PAM: variants seen among roughly 807,000 people sequenced by gnomAD.
The protein encoded by PAM is peptidyl-glycine alpha-amidating monooxygenase.
In PAM, 72 loss-of-function variants were observed where a neutral mutation model predicts 122.1. The ratio of observed to expected loss-of-function variants is 0.59; its 90% CI spans 0.49 to 0.72. The LOEUF is 0.72. Among genes scored for constraint, PAM ranks in the 30% least tolerant of loss-of-function variants. PAM has a pLI of 0.00. For missense variants in PAM, 1,106 were observed against 1,183.7 expected, an observed-to-expected ratio of 0.93 and a Z score of 0.96; for synonymous variants, 389 against 404.4, an observed-to-expected ratio of 0.96 and a Z score of 0.46.
chr5:103,023,900 T>C (rs1183216068), intron 23 of PAM, among the ~76,000 whole-genome samples: 1 of 152,108 alleles, frequency 6.6e-6, no homozygotes, highest in Non-Finnish European at 1.5e-5. Context: ...TACCATCTGT[T>C]TGTATTATAA....
intron 4 of PAM, among the ~76,000 whole-genome samples, chr5:102,904,275 A>G (rs1798878728): frequency 6.6e-6 from 1 of 151,412 alleles, no homozygotes; most frequent in Non-Finnish European, 1.5e-5. Context: ...GTTTTTAATT[A>G]TTTTTATTTC....
intron 1 of PAM, among the ~76,000 whole-genome samples, chr5:102,797,666 G>A (rs944948826): frequency 7.2e-5 from 11 of 152,244 alleles, no homozygotes; most frequent in Middle Eastern, 3.4e-3. Context: ...GGAAAGAGAA[G>A]AGAAAATTGG....
In PAM at chr5:102,974,193, G is replaced by A. The variant is rs1192180786; in HGVS notation, c.1240G>A (p.Glu414Lys). The A allele has an allele frequency of 6.2e-7, 1 of 1,613,820 alleles. No homozygotes were observed. The highest frequency in any genetic ancestry group is 1.1e-5 in the South Asian group (1 of 91,078). ...TCATGTGCACAAATATAATCCTACA[G>A]AAAAGGCAGAATCAGAGTCAGACCT... is the stretch of plus-strand genomic sequence containing the variant. ...VVHVHKYNPT[E>K]KAESESDLVA... Residue 414 changes from glutamate to lysine, a missense_variant, in exon 15 of 26, where the codon GAA becomes AAA. By Grantham distance (56) the Glu-to-Lys change is moderately conservative (BLOSUM62 1). Transcript: ENST00000438793.
chr5:102,784,940 A>G (rs917678882), intron 1 of PAM, among the ~76,000 whole-genome samples: 2 of 152,268 alleles, frequency 1.3e-5, no homozygotes, highest in South Asian at 2.1e-4. Context: ...TCCATACTTT[A>G]GGAAATCAGA....
intron 15 of PAM, among the ~76,000 whole-genome samples, chr5:102,975,433 G>C (rs182121394): frequency 6.6e-6 from 1 of 152,222 alleles, no homozygotes; most frequent in South Asian, 2.1e-4. Context: ...TGGCCTAATG[G>C]TTTCTGTGAG....
intron 1 of PAM, among the ~76,000 whole-genome samples, chr5:102,843,416 G>GA (rs200172986): frequency 4.6e-5 from 7 of 151,996 alleles, no homozygotes; most frequent in Non-Finnish European, 1.0e-4. Context: ...AAACTATAAG[G>GA]AAAAAATAGG....
chr5:102,858,380 G>A lies in PAM; in HGVS notation c.-373-7443G>A, dbSNP rs564197867. ...ACATTTTTGATTGCCATAACTGAGG[G>A]GAATGCTACTGGCATCTAGTGGGTG... On this transcript the variant is annotated intron_variant, in intron 1 of 25. Transcript: ENST00000438793. Among the ~76,000 whole-genome samples the A allele has an allele frequency of 8.0e-4, 122 of 152,212 alleles. 1 individual carries two copies. The highest frequency in any genetic ancestry group is 8.0e-3 in the Admixed American group (122 of 15,280).
At chr5:102,908,539 G>A (rs1800340923) in intron 4 of PAM, among the ~76,000 whole-genome samples, 4 of 149,580 alleles carry the variant, frequency 2.7e-5, no homozygotes, top group Admixed American at 2.0e-4. Context: ...GACACAGGAA[G>A]GGGAACATCA....
chr5:102,782,466 G>T (rs1759240569), intron 1 of PAM, among the ~76,000 whole-genome samples: 1 of 152,174 alleles, frequency 6.6e-6, no homozygotes, highest in African/African-American at 2.4e-5. Context: ...GACAGCTATA[G>T]AGGAGAAGGA....
At chr5:102,920,810 T>C (rs1747187685) in intron 5 of PAM, among the ~76,000 whole-genome samples, 1 of 152,064 alleles carries the variant, frequency 6.6e-6, no homozygotes, top group South Asian at 2.1e-4. Flanking sequence ...TTTTTTTTTT[T>C]TAGCCAAAAG....
chr5:102,876,571 C>T (rs887354497), intron 3 of PAM, among the ~76,000 whole-genome samples: 1 of 152,154 alleles, frequency 6.6e-6, no homozygotes, highest in Non-Finnish European at 1.5e-5. Context: ...CAAAGCTGGA[C>T]ACTCCTAAAG....
intron 1 of PAM, among the ~76,000 whole-genome samples, chr5:102,848,355 C>T (rs1780477425): frequency 6.6e-6 from 1 of 152,148 alleles, no homozygotes; most frequent in South Asian, 2.1e-4. Flanking sequence ...ACGGCAAAGG[C>T]AACAAAGATG....
intron 1 of PAM, among the ~76,000 whole-genome samples, chr5:102,785,861 CTT>C (rs1561443184): frequency 7.3e-6 from 1 of 136,276 alleles, no homozygotes; most frequent in Non-Finnish European, 1.7e-5. Flanking sequence ...TTGTATTTAA[CTT>C]TTTAAAAATC....
chr5:103,019,307 C>A (rs1039325745), intron 22 of PAM, among the ~76,000 whole-genome samples: 1 of 152,236 alleles, frequency 6.6e-6, no homozygotes, highest in Non-Finnish European at 1.5e-5. Flanking sequence ...GAGAAGCCCT[C>A]TGCATAGCGC....
At chr5:103,005,444 T>G (rs1778666159) in intron 18 of PAM, among the ~76,000 whole-genome samples, 1 of 152,156 alleles carries the variant, frequency 6.6e-6, no homozygotes, top group Non-Finnish European at 1.5e-5. Flanking sequence ...TTCTCACAGG[T>G]CTGGAGTCTG....
At chr5:102,953,136 G>A (rs1759520173) in intron 12 of PAM, among the ~76,000 whole-genome samples, 1 of 152,146 alleles carries the variant, frequency 6.6e-6, no homozygotes, top group Admixed American at 6.6e-5. Flanking sequence ...CCAAAATCAA[G>A]CTTAACTGTA....
chr5:102,802,030 G>T (rs991988370), intron 1 of PAM, among the ~76,000 whole-genome samples: 1 of 151,848 alleles, frequency 6.6e-6, no homozygotes, highest in Admixed American at 6.5e-5. Flanking sequence ...TGATCCACCC[G>T]CCTCGGCCTC....
chr5:102,846,709 C>T (rs905033663), intron 1 of PAM, among the ~76,000 whole-genome samples: 4 of 152,180 alleles, frequency 2.6e-5, no homozygotes, highest in East Asian at 1.9e-4. Flanking sequence ...AGGTTGGTCA[C>T]GTGCTGTCTT....
chr5:102,839,711 A>C (rs1047816885), intron 1 of PAM, among the ~76,000 whole-genome samples: 3 of 152,174 alleles, frequency 2.0e-5, no homozygotes, highest in Middle Eastern at 3.2e-3. Context: ...AATTTTATCC[A>C]GTGAGTTAGA....
Sources: gnomAD v4.1 joint callset for allele counts (sites outside exome capture counted in the v4.1 genomes callset) on GRCh38, gnomAD v4.1.1 for gene constraint, MANE v1.5 for transcripts, NCBI Gene and HGNC (gene_info 2026-07-23, HGNC 2026-07-21) for gene names.